LPAR3: variants seen among roughly 807,000 people sequenced by gnomAD.
LPAR3 encodes LPA receptor 3.
A neutral mutation model predicts 17.8 loss-of-function variants in LPAR3; 7 were observed. The observed-to-expected ratio is 0.39, with a 90% CI of 0.22 to 0.74. LPAR3 has a LOEUF of 0.74. LPAR3 is among the 30% of genes least tolerant of loss of function. The pLI, the probability that LPAR3 is intolerant of heterozygous loss-of-function variation, is 0.40. For synonymous variants in LPAR3, 179 were observed against 179.9 expected (o/e 0.99, Z 0.04); for missense variants, 391 against 453.4 (o/e 0.86, Z 1.25).
At chr1:84,833,308 A>C (rs1215226047) in intron 2 of LPAR3, among the ~76,000 whole-genome samples, 1 of 152,224 alleles carries the variant, frequency 6.6e-6, no homozygotes, top group African/African-American at 2.4e-5. Context: ...TATTATTGTA[A>C]ACAATGACTC....
chr1:84,842,154 T>C (rs886551764), intron 2 of LPAR3, among the ~76,000 whole-genome samples: 1 of 152,226 alleles, frequency 6.6e-6, no homozygotes, highest in South Asian at 2.1e-4. Flanking sequence ...CCTTGGGTTG[T>C]ATGAGACACT....
rs1196512987 is a variant in LPAR3, at chr1:84,813,894, T to C, written c.1014A>G (p.Ile338Met). ...LSRSDTGSQY[I>M]EDSISQGAVC... ...CTGCACCTTGGCTAATACTATCCTC[T>C]ATGTACTGGCTGCCTGTGTCACTCC... Residue 338 changes from isoleucine (I) to methionine (M), a missense_variant, in exon 3 of 3, where the codon ATA (isoleucine) becomes ATG (methionine). Ile to Met is a conservative substitution (Grantham distance 10, BLOSUM62 1). Coordinates refer to ENST00000370611, the MANE Select transcript of LPAR3 (RefSeq NM_012152.3). 6.2e-7 allele frequency: 1 copy of C among 1,614,180 alleles called. No individual in the cohort carries two copies. Among genetic ancestry groups the C allele is most frequent in the Admixed American group, 1.7e-5 (1 of 60,028 alleles).
At chr1:84,882,437 C>G (rs1412633908) in intron 1 of LPAR3, among the ~76,000 whole-genome samples, 1 of 152,110 alleles carries the variant, frequency 6.6e-6, no homozygotes, top group Non-Finnish European at 1.5e-5. Context: ...AGATTCAATG[C>G]AATCCCTACA....
chr1:84,879,374 C>T (rs1230739339), intron 1 of LPAR3, among the ~76,000 whole-genome samples: 12 of 138,626 alleles, frequency 8.7e-5, no homozygotes, highest in Admixed American at 1.6e-4. Context: ...GACAGTGGCG[C>T]GATCTAGGCT....
At chr1:84,818,118 C>T (rs1269416554) in intron 2 of LPAR3, among the ~76,000 whole-genome samples, 1 of 152,154 alleles carries the variant, frequency 6.6e-6, no homozygotes, top group Non-Finnish European at 1.5e-5. Flanking sequence ...AAAATGAGGG[C>T]AGGATTAGTA....
intron 2 of LPAR3, among the ~76,000 whole-genome samples, chr1:84,859,940 G>A (rs1247986319): frequency 6.6e-6 from 1 of 152,232 alleles, no homozygotes; most frequent in African/African-American, 2.4e-5. Context: ...TTTGGTTGCT[G>A]TAGCTGATTA....
At chr1:84,891,122 T>C (rs1338787232) in intron 1 of LPAR3, among the ~76,000 whole-genome samples, 7 of 149,506 alleles carry the variant, frequency 4.7e-5, no homozygotes, top group African/African-American at 1.7e-4. Context: ...ACAAATATCT[T>C]GCAGAACAGC....
chr1:84,849,390 A>AG (rs1409430745), intron 2 of LPAR3, among the ~76,000 whole-genome samples: 86 of 151,200 alleles, frequency 5.7e-4, no homozygotes, highest in East Asian at 3.3e-3. Flanking sequence ...AAAAAAAAAA[A>AG]AAAGAAAGAA....
chr1:84,889,592 C>T (rs1316139063), intron 1 of LPAR3, among the ~76,000 whole-genome samples: 1 of 152,198 alleles, frequency 6.6e-6, no homozygotes, highest in Non-Finnish European at 1.5e-5. Context: ...TGAAATTTAA[C>T]TTCCTCTCAT....
rs558511729 is a variant in LPAR3 at position 84,866,195 on chromosome 1, A to G, written c.-18-57T>C. 3.3e-5 allele frequency: 44 copies of G among 1,343,414 alleles called. 1 individual carries two copies. In the South Asian group the frequency reaches 6.0e-4, roughly 18 times the overall value. The allele number at this position is 1,343,414 out of a possible 1,614,324, so 83.2% of individuals were successfully genotyped here. A position where few individuals can be genotyped will look rare whatever the true frequency, so the allele number is the denominator to read the frequency against. On this transcript the variant is annotated intron_variant, in intron 1 of 2. Coordinates refer to ENST00000370611, the MANE Select transcript of LPAR3 (RefSeq NM_012152.3). The stretch of plus-strand genomic sequence containing the variant: ...CATTTGTAAAATCAGTCACTAAGCC[A>G]TCAATTGCTGTTTCTAAGCCCGTTC...
chr1:84,859,749 T>G (rs1659900409), intron 2 of LPAR3, among the ~76,000 whole-genome samples: 1 of 152,218 alleles, frequency 6.6e-6, no homozygotes, highest in Non-Finnish European at 1.5e-5. Context: ...CATGGAAGAC[T>G]TCAAAAGAAT....
Position 84,865,495 on chromosome 1 carries a change from A to G in LPAR3, c.626T>C (p.Ile209Thr). The G allele has an allele frequency of 6.2e-7, 1 of 1,614,200 alleles. No homozygotes were observed. Among genetic ancestry groups the G allele is most frequent in the Non-Finnish European group, 8.5e-7 (1 of 1,180,052 alleles). ...GGTTTTCCTCTTGACGTACACGTAG[A>G]TCCGCAGGTACACCACAACCATGAT... ...FLIMVVVYLR[I>T]YVYVKRKTNV... The change falls in exon 2 of 3, where the codon ATC becomes ACC. Residue 209 changes from isoleucine (I) to threonine (T), a missense_variant. Ile to Thr is a moderately conservative substitution (Grantham distance 89). Coordinates refer to ENST00000370611, the MANE Select transcript of LPAR3 (RefSeq NM_012152.3).
At chr1:84,869,893 T>C (rs1392381120) in intron 1 of LPAR3, among the ~76,000 whole-genome samples, 1 of 152,220 alleles carries the variant, frequency 6.6e-6, no homozygotes, top group Non-Finnish European at 1.5e-5. Context: ...AAAATAGTTT[T>C]CTACTTAATC....
At chr1:84,830,364 T>C (rs1659259111) in intron 2 of LPAR3, among the ~76,000 whole-genome samples, 1 of 150,774 alleles carries the variant, frequency 6.6e-6, no homozygotes, top group African/African-American at 2.4e-5. Flanking sequence ...AAGAGGCAAA[T>C]TAGCTGGGAC....
chr1:84,891,274 A>AT lies in LPAR3; in HGVS notation c.-19+1741dup, dbSNP rs553725600. 2.0e-5 allele frequency among the ~76,000 whole-genome samples: 3 copies of AT among 152,250 alleles called. No individual in the cohort carries two copies. The South Asian group carries it at 6.2e-4, about 32-fold the overall frequency. ...TTCAAATTCTAAAGACAAAGAAAAA[A>AT]TTTTTGCCAAAATGACCTATTTTCT... On this transcript the variant is annotated intron_variant, in intron 1 of 2. Coordinates refer to ENST00000370611, the MANE Select transcript of LPAR3 (RefSeq NM_012152.3).
Position 84,865,713 on chromosome 1 carries a change from G to A in LPAR3, c.408C>T (p.Val136=), listed in dbSNP as rs1385572744. 4 of 1,614,170 alleles carry A rather than the reference G, an allele frequency of 2.5e-6. No individual in the cohort carries two copies. The South Asian group carries it at 4.4e-5, about 18-fold the overall frequency. The part of the protein sequence containing the change: ...ERHMSIMRMR[V]HSNLTKKRVT... Reference sequence around the variant, plus strand: ...CCCTCTTTTTGGTCAGGTTGCTATGGACCCGCATCCTCATGATTGACATGT... The same window carrying A: ...CCCTCTTTTTGGTCAGGTTGCTATGAACCCGCATCCTCATGATTGACATGT... The change falls in exon 2 of 3, where the codon GTC becomes GTT. Residue 136 remains valine, a synonymous_variant. Coordinates refer to ENST00000370611, the MANE Select transcript of LPAR3 (RefSeq NM_012152.3).
intron 1 of LPAR3, among the ~76,000 whole-genome samples, chr1:84,884,156 A>C (rs992056291): frequency 6.6e-6 from 1 of 152,180 alleles, no homozygotes; most frequent in Non-Finnish European, 1.5e-5. Flanking sequence ...CTATCTAAAA[A>C]AGTTTTAGGC....
Position 84,813,154 on chromosome 1 carries a change from T to TAGAGAGAGAGAGAGAG in LPAR3, c.*691_*692insCTCTCTCTCTCTCTCT, listed in dbSNP as rs769368125. On this transcript the variant is annotated 3_prime_UTR_variant, in exon 3 of 3. Transcript: ENST00000370611. ...ATATATATATATATATATATATATA[T>TAGAGAGAGAGAGAGAG]ATATAGACACACACACACACACACA... is the stretch of plus-strand genomic sequence containing the variant. 59 of 101,044 alleles carry TAGAGAGAGAGAGAGAG rather than the reference T, an allele frequency of 5.8e-4. No homozygotes were observed. Among genetic ancestry groups the TAGAGAGAGAGAGAGAG allele is most frequent in the Non-Finnish European group, 8.4e-4 (40 of 47,388 alleles). 6.3% of individuals were successfully genotyped at this position (101,044 alleles called of 1,614,324 possible). A position where few individuals can be genotyped will look rare whatever the true frequency, so the allele number is the denominator to read the frequency against.
chr1:84,814,211 T>G (rs1658888308), intron 2 of LPAR3, 40 bp from the exon 3 acceptor site: 1 of 1,535,342 alleles, frequency 6.5e-7, no homozygotes, highest in African/African-American at 1.4e-5. Context: ...GCTCAGACCT[T>G]AGGGGACTTA....
Sources: allele counts gnomAD v4.1 joint callset (sites outside exome capture counted in the v4.1 genomes callset), GRCh38; gene constraint gnomAD v4.1.1; transcripts MANE v1.5; gene names NCBI Gene and HGNC (gene_info 2026-07-23, HGNC 2026-07-21).